Variants in CNTNAP2 observed in about 807,000 individuals in gnomAD.
CNTNAP2 encodes the protein contactin associated protein 2, also known as contactin-associated protein-like 2.
CNTNAP2 carries 98 observed loss-of-function variants against 155.2 expected under a neutral mutation model. That is an observed-to-expected ratio of 0.63 (90% confidence interval 0.54 to 0.75). CNTNAP2 has a LOEUF of 0.75. CNTNAP2 is among the 30% of genes least tolerant of loss of function. The pLI, the probability that CNTNAP2 is intolerant of heterozygous loss-of-function variation, is 0.00. For synonymous variants in CNTNAP2, 651 were observed against 631.2 expected (o/e 1.03, Z -0.47); for missense variants, 1,727 against 1,688.1 (o/e 1.02, Z -0.40).
intron 4 of CNTNAP2, among the ~76,000 whole-genome samples, chr7:147,092,669 A>C (rs557677653): frequency 1.3e-5 from 2 of 152,336 alleles, no homozygotes; most frequent in East Asian, 1.9e-4. Flanking sequence ...GCTTTAAAAA[A>C]TTCTGAGCTT....
chr7:146,719,698 A>G (rs988209607), intron 1 of CNTNAP2, among the ~76,000 whole-genome samples: 2 of 149,604 alleles, frequency 1.3e-5, no homozygotes, highest in Non-Finnish European at 2.9e-5. Context: ...ACATCTGAAT[A>G]TTTGAAATTC....
At chr7:147,227,328 GAAA>G (rs374114622) in intron 8 of CNTNAP2, among the ~76,000 whole-genome samples, 1 of 146,204 alleles carries the variant, frequency 6.8e-6, no homozygotes, top group Admixed American at 6.8e-5. Flanking sequence ...GTAAGCTACT[GAAA>G]AAAAAAAATG....
At chr7:146,806,914 T>G (rs1802977879) in intron 2 of CNTNAP2, among the ~76,000 whole-genome samples, 1 of 152,184 alleles carries the variant, frequency 6.6e-6, no homozygotes, top group Admixed American at 6.5e-5. Flanking sequence ...GGTATAATAC[T>G]AGGACCTACC....
At chr7:147,390,114 G>A (rs1390168147) in intron 9 of CNTNAP2, among the ~76,000 whole-genome samples, 1 of 152,058 alleles carries the variant, frequency 6.6e-6, no homozygotes, top group Non-Finnish European at 1.5e-5. Context: ...ATAAATAATA[G>A]GTTCTCCTCT....
At chr7:146,372,741 A>G (rs1357064856) in intron 1 of CNTNAP2, among the ~76,000 whole-genome samples, 2 of 152,284 alleles carry the variant, frequency 1.3e-5, no homozygotes, top group Admixed American at 6.5e-5. Flanking sequence ...CTACTCTAGG[A>G]TTCTCCACAG....
chr7:147,590,136 A>G (rs75486277), intron 12 of CNTNAP2, among the ~76,000 whole-genome samples: 221 of 152,264 alleles, frequency 1.5e-3, no homozygotes, highest in African/African-American at 4.9e-3. Flanking sequence ...AAAAAACATA[A>G]TTTGTGAGTC....
chr7:147,790,919 T>C (rs1684154547), intron 13 of CNTNAP2, among the ~76,000 whole-genome samples: 1 of 152,244 alleles, frequency 6.6e-6, no homozygotes, highest in Non-Finnish European at 1.5e-5. Flanking sequence ...CAGAAATATT[T>C]GCTCTTCTTT....
chr7:146,910,321 T>C lies in CNTNAP2; in HGVS notation c.402+70417T>C, dbSNP rs201246351. On this transcript the variant is annotated intron_variant, in intron 3 of 23. Coordinates refer to ENST00000361727, the MANE Select transcript of CNTNAP2 (RefSeq NM_014141.6). The stretch of plus-strand genomic sequence containing the variant: ...AAAAGCTACTTTAAAGTTCATATGG[T>C]ACCAAAAAAGAGCCCGCATCGCCAA... 6.6e-3 allele frequency among the ~76,000 whole-genome samples: 968 copies of C among 146,824 alleles called. 6 individuals are homozygous for C. The highest frequency in any genetic ancestry group is 0.024 in the African/African-American group (871 of 36,760).
chr7:146,469,173 T>C lies in CNTNAP2; in HGVS notation c.98-305098T>C, dbSNP rs202022233. 2.0e-3 allele frequency among the ~76,000 whole-genome samples: 310 copies of C among 152,334 alleles called. 1 individual carries two copies. The highest frequency in any genetic ancestry group is 3.5e-3 in the Non-Finnish European group (237 of 68,030). On this transcript the variant is annotated intron_variant, in intron 1 of 23. Coordinates refer to ENST00000361727, the MANE Select transcript of CNTNAP2 (RefSeq NM_014141.6). Reference sequence around the variant, plus strand: ...GTGCTGGAGGTGAGCTGCCTTTACCTGTCGCCCCCTTTGGGGTTCCCTGAG... The same window carrying C: ...GTGCTGGAGGTGAGCTGCCTTTACCCGTCGCCCCCTTTGGGGTTCCCTGAG...
At chr7:148,267,912 A>G (rs565401149) in intron 21 of CNTNAP2, among the ~76,000 whole-genome samples, 2 of 152,300 alleles carry the variant, frequency 1.3e-5, no homozygotes, top group East Asian at 3.9e-4. Context: ...TCTCACTCGT[A>G]AGAAAGCACC....
chr7:147,146,135 T>G (rs553395013), intron 8 of CNTNAP2: 21 of 152,304 alleles, frequency 1.4e-4, no homozygotes, highest in African/African-American at 5.1e-4. Context: ...TTTAATTATA[T>G]TACAGCATGA....
chr7:147,782,147 C>T (rs10247973), intron 13 of CNTNAP2, among the ~76,000 whole-genome samples: 1 of 152,002 alleles, frequency 6.6e-6, no homozygotes, highest in Non-Finnish European at 1.5e-5. Context: ...TTATAGACAT[C>T]TATCTCACCA....
chr7:147,803,631 G>C (rs1360379507), intron 13 of CNTNAP2, among the ~76,000 whole-genome samples: 2 of 152,292 alleles, frequency 1.3e-5, no homozygotes, highest in East Asian at 3.9e-4. Flanking sequence ...CTGGGGCTGC[G>C]AAAGGGAGTC....
intron 1 of CNTNAP2, among the ~76,000 whole-genome samples, chr7:146,149,016 C>T (rs1170852417): frequency 1.3e-5 from 2 of 149,742 alleles, no homozygotes; most frequent in Admixed American, 1.3e-4. Context: ...GAACATCACA[C>T]ACCGGGGCCT....
intron 21 of CNTNAP2, among the ~76,000 whole-genome samples, chr7:148,347,284 A>G (rs1024909788): frequency 6.6e-6 from 1 of 152,054 alleles, no homozygotes; most frequent in African/African-American, 2.4e-5. Context: ...AAAACAAAAA[A>G]CCAACTATCT....
chr7:146,927,874 T>C (rs1442363434), intron 3 of CNTNAP2, among the ~76,000 whole-genome samples: 1 of 151,532 alleles, frequency 6.6e-6, no homozygotes, highest in Non-Finnish European at 1.5e-5. Flanking sequence ...TATATCTCTT[T>C]ATATATTTCT....
chr7:146,868,064 CTTTT>C (rs1795239694), intron 3 of CNTNAP2, among the ~76,000 whole-genome samples: 1 of 152,044 alleles, frequency 6.6e-6, no homozygotes, highest in Non-Finnish European at 1.5e-5. Context: ...CTTGCAATTG[CTTTT>C]AGTGTCTTTG....
At chr7:146,690,016 A>G (rs773560446) in intron 1 of CNTNAP2, among the ~76,000 whole-genome samples, 10 of 151,652 alleles carry the variant, frequency 6.6e-5, no homozygotes, top group Non-Finnish European at 1.0e-4. Context: ...ATTTATATAT[A>G]TCTATTTAAA....
intron 19 of CNTNAP2, among the ~76,000 whole-genome samples, chr7:148,228,298 G>T (rs1012221502): frequency 6.6e-6 from 1 of 152,036 alleles, no homozygotes; most frequent in African/African-American, 2.4e-5. Flanking sequence ...CTAAAAGCAG[G>T]ATCTACATTG....
Sources: allele counts gnomAD v4.1 joint callset (sites outside exome capture counted in the v4.1 genomes callset), GRCh38; gene constraint gnomAD v4.1.1; transcripts MANE v1.5; gene names NCBI Gene and HGNC (gene_info 2026-07-23, HGNC 2026-07-21).